Variants in SLC6A14 observed in about 807,000 individuals in gnomAD.
SLC6A14 encodes solute carrier family 6 member 14.
Under a neutral mutation model 51.4 loss-of-function variants are expected in SLC6A14, and 21 were observed. That is an observed-to-expected ratio of 0.41 (90% CI 0.29 to 0.59). The LOEUF is 0.59. Ranked by LOEUF, SLC6A14 falls within the 20% of genes least tolerant of loss-of-function variation. The pLI, the probability that SLC6A14 is intolerant of heterozygous loss-of-function variation, is 0.31. For synonymous variants in SLC6A14, 177 were observed against 160.7 expected, an observed-to-expected ratio of 1.10 and a Z score of -0.77; for missense variants, 371 against 472.8, an observed-to-expected ratio of 0.78 and a Z score of 2.00.
chrX:116,451,758 C>A, intron 8 of SLC6A14, 88 bp downstream of exon 8: 2 of 523,912 alleles, frequency 3.8e-6, no homozygotes, highest in Non-Finnish European at 6.1e-6. Flanking sequence ...ATTTACTTGA[C>A]ACAGTCATGA....
chrX:116,457,516 TAAATC>T (rs1927956577), intron 12 of SLC6A14, 88 bp from the exon 13 acceptor site: 1 of 653,694 alleles, frequency 1.5e-6, no homozygotes, highest in Admixed American at 3.5e-5. Flanking sequence ...CTATTTTTGA[TAAATC>T]ACATCTGAGG....
At chrX:116,456,597 A>C (rs1252879249) in intron 12 of SLC6A14, among the ~76,000 whole-genome samples, 2 of 111,279 alleles carry the variant, frequency 1.8e-5, no homozygotes, top group African/African-American at 6.5e-5. Flanking sequence ...CAAAAGTATT[A>C]GATATGAAAT....
At chrX:116,442,617 T>C in intron 3 of SLC6A14, 70 bp from the exon 4 acceptor site, 2 of 895,109 alleles carry the variant, frequency 2.2e-6, no homozygotes, top group Non-Finnish European at 3.0e-6. Flanking sequence ...GAGATACAGC[T>C]TTTTTATGAA....
chrX:116,446,615 C>T, intron 6 of SLC6A14, 126 bp from the exon 7 acceptor site: 1 of 481,643 alleles, frequency 2.1e-6, no homozygotes, highest in Non-Finnish European at 3.5e-6. Context: ...GGTATATCAT[C>T]AGACCCTATG....
intron 7 of SLC6A14, among the ~76,000 whole-genome samples, chrX:116,447,373 C>T (rs138295082): frequency 0.048 from 5,312 of 111,585 alleles, 326 homozygotes; most frequent in African/African-American, 0.17. Flanking sequence ...ATAAATTTGA[C>T]AATGGATTAA....
rs1411731710 is a variant in SLC6A14 at position 116,459,247 on chromosome X, A to G, written c.*292A>G. 5.8e-6 allele frequency: 1 copy of G among 173,829 alleles called. No homozygotes were observed. Among genetic ancestry groups the G allele is most frequent in the Non-Finnish European group, 1.1e-5 (1 of 93,682 alleles). 14.3% of individuals were successfully genotyped at this position (173,829 alleles called of 1,213,427 possible). On this transcript the variant is annotated 3_prime_UTR_variant, in exon 14 of 14. Transcript: ENST00000598581. The stretch of plus-strand genomic sequence containing the variant: ...TGTAAATAGTATATGCATTTTTAAT[A>G]CATTGGAGGCTTTATTTTGAACTAA...
In SLC6A14 at chrX:116,454,335, A is replaced by G. The variant is rs782740686; in HGVS notation, c.1297A>G (p.Thr433Ala). The G allele has an allele frequency of 4.2e-6, 5 of 1,185,931 alleles. No homozygotes were observed. The highest frequency in any genetic ancestry group is 5.7e-6 in the Non-Finnish European group (5 of 873,968). Residue 433 changes from threonine (T) to alanine (A), a missense_variant, in exon 10 of 14, where the codon ACA (threonine) becomes GCA (alanine). Physicochemically the swap from Thr to Ala is moderately conservative, Grantham distance 58 (BLOSUM62 0). Around this residue, in one of 2 missense-constraint regions of SLC6A14, gnomAD observed 277 missense variants for 391.8 expected, o/e 0.71. Coordinates refer to ENST00000598581, the MANE Select transcript of SLC6A14 (RefSeq NM_007231.5). ...SQFASIETIT[T>A]TIQDLFPKVM... ...CTCCCCCTCTGAAGAAACGATCACA[A>G]CAACAATTCAAGATTTATTTCCCAA... is the stretch of plus-strand genomic sequence containing the variant.
intron 3 of SLC6A14, among the ~76,000 whole-genome samples, 180 bp from the exon 4 acceptor site, chrX:116,442,507 C>T (rs1389741818): frequency 1.8e-5 from 2 of 111,313 alleles, no homozygotes; most frequent in African/African-American, 6.5e-5. Flanking sequence ...TCAAGTGATC[C>T]ACCCTCCTCA....
intron 4 of SLC6A14, among the ~76,000 whole-genome samples, 174 bp from the exon 5 acceptor site, chrX:116,443,469 G>T (rs923254820): frequency 9.0e-6 from 1 of 111,477 alleles, no homozygotes; most frequent in African/African-American, 3.3e-5. Flanking sequence ...TAGTAGAAAA[G>T]ATTTTAAGAT....
At chrX:116,448,012 T>C (rs1199094718) in intron 7 of SLC6A14, among the ~76,000 whole-genome samples, 1 of 112,359 alleles carries the variant, frequency 8.9e-6, no homozygotes, top group Non-Finnish European at 1.9e-5. Flanking sequence ...TTATCTGCCA[T>C]ACTACTAATA....
chrX:116,440,615 T>C (rs1927575606), intron 2 of SLC6A14, among the ~76,000 whole-genome samples: 1 of 111,638 alleles, frequency 9.0e-6, no homozygotes, highest in Admixed American at 9.5e-5. Flanking sequence ...GTTAGGCAAA[T>C]TGCTGGAGGT....
intron 2 of SLC6A14, among the ~76,000 whole-genome samples, 170 bp downstream of exon 2, chrX:116,438,125 G>T (rs191593613): frequency 2.0e-4 from 22 of 110,261 alleles, no homozygotes; most frequent in Admixed American, 3.9e-4. Context: ...TTATTAGTCT[G>T]GGTTACCAGC....
intron 2 of SLC6A14, among the ~76,000 whole-genome samples, chrX:116,438,506 T>C (rs912573661): frequency 2.7e-5 from 3 of 112,338 alleles, no homozygotes; most frequent in Admixed American, 9.4e-5. Flanking sequence ...GGACTGACTA[T>C]GTAGAAGATC....
Position 116,458,762 on chromosome X carries a change from G to A in SLC6A14, c.1783-47G>A, listed in dbSNP as rs1352617442. Reference sequence around the variant, plus strand: ...TTCAATATTTGCTTGTTTACAGATTGTAGCACTTAAATTCTAAGACAATGA... The same window carrying A: ...TTCAATATTTGCTTGTTTACAGATTATAGCACTTAAATTCTAAGACAATGA... On this transcript the variant is annotated intron_variant, in intron 13 of 13. Transcript: ENST00000598581. 5 of 1,098,810 alleles carry A rather than the reference G, an allele frequency of 4.6e-6. No individual in the cohort carries two copies. In the African/African-American group the frequency reaches 9.4e-5, roughly 21 times the overall value. 90.6% of individuals were successfully genotyped at this position (1,098,810 alleles called of 1,213,427 possible).
At chrX:116,443,341 T>C (rs782344313) in intron 4 of SLC6A14, among the ~76,000 whole-genome samples, 2 of 111,800 alleles carry the variant, frequency 1.8e-5, no homozygotes, top group East Asian at 2.8e-4. Context: ...TAAATCCACA[T>C]ACAAAAGTTT....
chrX:116,442,870 A>G (rs782747833), intron 4 of SLC6A14, 22 bp downstream of exon 4: 6 of 1,098,923 alleles, frequency 5.5e-6, no homozygotes, highest in Admixed American at 5.9e-5. Context: ...CAACACCCAA[A>G]TAGTTCTTTT....
At chrX:116,443,158 C>T (rs1335759304) in intron 4 of SLC6A14, among the ~76,000 whole-genome samples, 2 of 110,952 alleles carry the variant, frequency 1.8e-5, no homozygotes, top group Admixed American at 9.6e-5. Context: ...TCTCAGGAGA[C>T]AGTAGGTGTT....
chrX:116,445,683 A>T (rs1415231698), intron 6 of SLC6A14, among the ~76,000 whole-genome samples: 1 of 111,731 alleles, frequency 9.0e-6, no homozygotes, highest in Admixed American at 9.5e-5. Flanking sequence ...TTACTTTTAT[A>T]AACTTGCAGA....
At chrX:116,439,203 A>C (rs1239162217) in intron 2 of SLC6A14, among the ~76,000 whole-genome samples, 1 of 111,733 alleles carries the variant, frequency 8.9e-6, no homozygotes, top group Non-Finnish European at 1.9e-5. Flanking sequence ...AACTAGTTTT[A>C]ATAGAAACTT....
Sources: gnomAD v4.1 joint callset for allele counts (sites outside exome capture counted in the v4.1 genomes callset) on GRCh38, gnomAD v4.1.1 for gene constraint, gnomAD v4.1.1 regional missense constraint, MANE v1.5 for transcripts, NCBI Gene and HGNC (gene_info 2026-07-23, HGNC 2026-07-21) for gene names.